CDH23: variants seen among roughly 807,000 people sequenced by gnomAD.
The protein encoded by CDH23 is cadherin related 23.
Under a neutral mutation model 317.1 loss-of-function variants are expected in CDH23, and 189 were observed. The observed-to-expected ratio is 0.60, with a 90% CI of 0.53 to 0.67. The LOEUF is 0.67. Among genes scored for constraint, CDH23 ranks in the 30% least tolerant of loss-of-function variants. The pLI is 0.00. For synonymous variants in CDH23, 1,839 were observed against 1,876.8 expected (o/e 0.98, Z 0.52); for missense variants, 4,401 against 4,592.4 (o/e 0.96, Z 1.20).
intron 38 of CDH23, among the ~76,000 whole-genome samples, chr10:71,768,055 C>T (rs1468700652): frequency 2.0e-5 from 3 of 152,242 alleles, no homozygotes; most frequent in Non-Finnish European, 4.4e-5. Flanking sequence ...GCCACCCTCA[C>T]GCTTCTATGC....
intron 18 of CDH23, among the ~76,000 whole-genome samples, chr10:71,685,004 T>C (rs1454474456): frequency 6.6e-6 from 1 of 152,200 alleles, no homozygotes; most frequent in African/African-American, 2.4e-5. Flanking sequence ...CACCAGTGCC[T>C]TTCTTCCTTA....
At chr10:71,560,990 AG>A (rs569163083) in intron 6 of CDH23, among the ~76,000 whole-genome samples, 34 of 152,270 alleles carry the variant, frequency 2.2e-4, no homozygotes, top group African/African-American at 7.0e-4. Context: ...TAAATCTTGA[AG>A]GGGGTGAAGG....
At chr10:71,550,955 C>G (rs1397415736) in intron 6 of CDH23, among the ~76,000 whole-genome samples, 2 of 152,194 alleles carry the variant, frequency 1.3e-5, no homozygotes, top group Non-Finnish European at 2.9e-5. Flanking sequence ...CCTCCCCTAG[C>G]CAAAAGGCAA....
At chr10:71,739,592 G>A in intron 35 of CDH23, 52 bp from the exon 36 acceptor site, 1 of 1,589,998 alleles carries the variant, frequency 6.3e-7, no homozygotes, top group Non-Finnish European at 8.6e-7. Flanking sequence ...GGCTTGACCT[G>A]GCCACCTCTC....
chr10:71,679,567 G>A (rs964658411), intron 17 of CDH23, 75 bp downstream of exon 17: 1 of 1,185,552 alleles, frequency 8.4e-7, no homozygotes, highest in Non-Finnish European at 1.2e-6. Context: ...CCTCCCTTGT[G>A]GGGATGAGGC....
At chr10:71,592,626 G>A (rs1859569622) in intron 9 of CDH23, among the ~76,000 whole-genome samples, 1 of 152,010 alleles carries the variant, frequency 6.6e-6, no homozygotes, top group South Asian at 2.1e-4. Flanking sequence ...CTCTAATGAG[G>A]ACCCTTGTGA....
chr10:71,814,958 C>A lies in CDH23; in HGVS notation c.9745C>A (p.Gln3249Lys). 1.2e-6 allele frequency: 2 copies of A among 1,609,868 alleles called. No individual in the cohort carries two copies. Among genetic ancestry groups the A allele is most frequent in the South Asian group, 1.1e-5 (1 of 90,862 alleles). ...SCHSSISELI[Q>K]TELDEEPGDH... is the part of the protein sequence containing the mutation. Reference sequence around the variant, plus strand: ...GGGTCCCGGCCTCTTGCAGCTGATACAGACTGAGCTGGACGAGGAGCCAGG... The same window carrying A: ...GGGTCCCGGCCTCTTGCAGCTGATAAAGACTGAGCTGGACGAGGAGCCAGG... Residue 3249 changes from glutamine (Q) to lysine (K), a missense_variant, in exon 70 of 70, where the codon CAG becomes AAG. Coordinates refer to ENST00000224721, the MANE Select transcript of CDH23 (RefSeq NM_022124.6).
intron 14 of CDH23, among the ~76,000 whole-genome samples, chr10:71,664,342 C>T (rs771783091): frequency 1.7e-4 from 26 of 152,332 alleles, no homozygotes; most frequent in Non-Finnish European, 2.2e-4. Context: ...AAGAAGGTTT[C>T]GGAGCCCAAG....
Position 71,723,997 on chromosome 10 carries a change from C to G in CDH23, c.3370-48C>G, listed in dbSNP as rs1255005217. Reference sequence around the variant, plus strand: ...AGGAACTCTAAAAACCTCTTCTCTCCCTGCTGGGTGGCATTCAAGAAGTAA... The same window carrying G: ...AGGAACTCTAAAAACCTCTTCTCTCGCTGCTGGGTGGCATTCAAGAAGTAA... On this transcript the variant is annotated intron_variant, in intron 28 of 69. Coordinates refer to ENST00000224721, the MANE Select transcript of CDH23 (RefSeq NM_022124.6). 3 of 1,547,274 alleles carry G rather than the reference C, an allele frequency of 1.9e-6. No homozygotes were observed. The South Asian group carries it at 3.6e-5, about 18-fold the overall frequency.
chr10:71,558,076 C>A (rs1475241423), intron 6 of CDH23, among the ~76,000 whole-genome samples: 6 of 127,866 alleles, frequency 4.7e-5, no homozygotes, highest in African/African-American at 1.9e-4. Context: ...TGGCTCACTG[C>A]AACATCTCCC....
intron 6 of CDH23, among the ~76,000 whole-genome samples, chr10:71,545,627 G>A (rs1230243328): frequency 1.3e-5 from 2 of 152,188 alleles, no homozygotes; most frequent in African/African-American, 2.4e-5. Flanking sequence ...CCCAGAGCTG[G>A]GGACGCAGCC....
At chr10:71,644,236 T>G (rs561644246) in intron 12 of CDH23, among the ~76,000 whole-genome samples, 7 of 152,228 alleles carry the variant, frequency 4.6e-5, no homozygotes, top group Admixed American at 4.6e-4. Context: ...GCGGCTTGCC[T>G]GGACCCCAGA....
intron 3 of CDH23, among the ~76,000 whole-genome samples, chr10:71,479,868 C>T (rs945655415): frequency 2.6e-5 from 4 of 152,104 alleles, no homozygotes; most frequent in Non-Finnish European, 5.9e-5. Context: ...GCTCGGGGAG[C>T]CATAGGTCAG....
chr10:71,631,188 AACTGTGATCAC>A (rs1305463956), intron 11 of CDH23, among the ~76,000 whole-genome samples: 3 of 152,152 alleles, frequency 2.0e-5, no homozygotes, highest in Admixed American at 6.5e-5. Context: ...GGCTGCAGTG[AACTGTGATCAC>A]ACCACTGCAC....
intron 14 of CDH23, among the ~76,000 whole-genome samples, chr10:71,662,871 G>A (rs1863736373): frequency 6.6e-6 from 1 of 152,174 alleles, no homozygotes; most frequent in Admixed American, 6.5e-5. Flanking sequence ...CTGAAATGGA[G>A]GGGCTGGCAG....
chr10:71,765,249 C>A (rs1003136462), intron 38 of CDH23, among the ~76,000 whole-genome samples: 4 of 152,268 alleles, frequency 2.6e-5, no homozygotes, highest in African/African-American at 9.6e-5. Flanking sequence ...CACCCCAGGG[C>A]TGGGAGCTGA....
At chr10:71,458,450 G>A (rs192913846) in intron 3 of CDH23, among the ~76,000 whole-genome samples, 216 of 152,300 alleles carry the variant, frequency 1.4e-3, no homozygotes, top group Middle Eastern at 0.01. Context: ...TCTGAACCTC[G>A]TTTCCCTCTT....
chr10:71,760,036 C>CATAT (rs1840294394), intron 38 of CDH23, among the ~76,000 whole-genome samples: 2 of 113,106 alleles, frequency 1.8e-5, no homozygotes, highest in African/African-American at 3.0e-5. Flanking sequence ...TACACACACA[C>CATAT]ACATATATAC....
At chr10:71,622,005 G>A (rs1861486370) in intron 11 of CDH23, among the ~76,000 whole-genome samples, 2 of 152,100 alleles carry the variant, frequency 1.3e-5, no homozygotes, top group South Asian at 4.2e-4. Flanking sequence ...AGCTGGTTGT[G>A]ATGCAAATCA....
Sources: gnomAD v4.1 joint callset for allele counts (sites outside exome capture counted in the v4.1 genomes callset) on GRCh38, gnomAD v4.1.1 for gene constraint, MANE v1.5 for transcripts, NCBI Gene and HGNC (gene_info 2026-07-23, HGNC 2026-07-21) for gene names.